Variants in BPGM observed in about 807,000 individuals in gnomAD.
BPGM encodes the protein 2,3-bisphosphoglycerate mutase, erythrocyte.
In BPGM, 15 loss-of-function variants were observed where a neutral mutation model predicts 21.6. That is an observed-to-expected ratio of 0.70 (90% CI 0.47 to 1.07). The LOEUF (loss-of-function observed/expected upper bound fraction) is 1.07. BPGM is among the 50% of genes least tolerant of loss of function. BPGM has a pLI of 0.00. For synonymous variants in BPGM, 113 were observed against 116.2 expected (o/e 0.97, Z 0.18); for missense variants, 273 against 319.0 (o/e 0.86, Z 1.10).
At chr7:134,658,519 G>A (rs2131425162) in intron 1 of BPGM, 1 of 152,348 alleles carries the variant, frequency 6.6e-6, no homozygotes, top group East Asian at 1.9e-4. Flanking sequence ...CCTGCCCATT[G>A]CAGGCATTTG....
At chr7:134,657,608 C>T (rs1454902436) in intron 1 of BPGM, among the ~76,000 whole-genome samples, 4 of 152,162 alleles carry the variant, frequency 2.6e-5, no homozygotes, top group African/African-American at 7.2e-5. Flanking sequence ...TCACCTGAAC[C>T]TAACCCTAGG....
At chr7:134,650,790 T>C (rs1359011819) in intron 1 of BPGM, among the ~76,000 whole-genome samples, 1 of 152,102 alleles carries the variant, frequency 6.6e-6, no homozygotes, top group African/African-American at 2.4e-5. Context: ...CCGGGCGTGG[T>C]GACGGTCACC....
At chr7:134,665,953 C>T (rs943732833) in intron 2 of BPGM, among the ~76,000 whole-genome samples, 1 of 152,112 alleles carries the variant, frequency 6.6e-6, no homozygotes, top group Non-Finnish European at 1.5e-5. Flanking sequence ...TCTTGGCCCA[C>T]TGCAACCTTC....
intron 2 of BPGM, among the ~76,000 whole-genome samples, chr7:134,674,046 G>A (rs1795948054): frequency 6.6e-6 from 1 of 151,634 alleles, no homozygotes; most frequent in Non-Finnish European, 1.5e-5. Context: ...CCAAGTAGCT[G>A]GGATTACAGG....
intron 1 of BPGM, among the ~76,000 whole-genome samples, chr7:134,651,820 C>T (rs1463200774): frequency 6.6e-6 from 1 of 152,166 alleles, no homozygotes; most frequent in Non-Finnish European, 1.5e-5. Flanking sequence ...TTATAAGTCA[C>T]CTGCAAAGTA....
chr7:134,669,376 T>C (rs1795869506), intron 2 of BPGM, among the ~76,000 whole-genome samples: 1 of 152,218 alleles, frequency 6.6e-6, no homozygotes, highest in African/African-American at 2.4e-5. Flanking sequence ...AAAGCTCCTC[T>C]AATAAAGGTT....
At chr7:134,651,131 G>A (rs986657854) in intron 1 of BPGM, among the ~76,000 whole-genome samples, 3 of 152,180 alleles carry the variant, frequency 2.0e-5, no homozygotes, top group African/African-American at 4.8e-5. Context: ...CAAGGAAAAC[G>A]TCATCTGAGT....
At chr7:134,667,558 AAATG>A (rs1795839196) in intron 2 of BPGM, among the ~76,000 whole-genome samples, 1 of 152,188 alleles carries the variant, frequency 6.6e-6, no homozygotes, top group African/African-American at 2.4e-5. Flanking sequence ...AAAAACGTAA[AAATG>A]AAGACGTTAG....
intron 1 of BPGM, among the ~76,000 whole-genome samples, chr7:134,654,324 A>G (rs1210334951): frequency 6.6e-6 from 1 of 152,212 alleles, no homozygotes; most frequent in Non-Finnish European, 1.5e-5. Context: ...TGATTAAAGC[A>G]GTGAGAAAAG....
Position 134,661,867 on chromosome 7 carries a change from T to C in BPGM, c.360T>C (p.Asn120=). ...EQVRLWRRSY[N]VTPPPIEESH... is the part of the protein sequence containing the mutation. ...TGAGGCTCTGGAGAAGAAGCTACAA[T>C]GTAACCCCGCCTCCCATTGAGGAGT... The change falls in exon 2 of 3, where the codon AAT becomes AAC. Residue 120 remains asparagine (N), a synonymous_variant. Coordinates refer to ENST00000344924, the MANE Select transcript of BPGM (RefSeq NM_001724.5). The surrounding 1 kb of genome is among the most constrained non-coding windows in gnomAD (Gnocchi z 4.6). 6.2e-7 allele frequency: 1 copy of C among 1,608,004 alleles called. No homozygotes were observed. Among genetic ancestry groups the C allele is most frequent in the African/African-American group, 1.3e-5 (1 of 74,778 alleles).
intron 2 of BPGM, among the ~76,000 whole-genome samples, chr7:134,671,393 G>A (rs1280183521): frequency 5.1e-5 from 7 of 138,072 alleles, no homozygotes; most frequent in South Asian, 4.5e-4. Flanking sequence ...ATGGAGTCTC[G>A]CTCTGTTGCC....
Position 134,679,145 on chromosome 7 carries a change from G to C in BPGM, c.*114G>C. 4.1e-6 allele frequency: 5 copies of C among 1,232,928 alleles called. No individual in the cohort carries two copies. The highest frequency in any genetic ancestry group is 5.7e-6 in the Non-Finnish European group (5 of 873,462). The allele number at this position is 1,232,928 out of a possible 1,614,324, so 76.4% of individuals were successfully genotyped here. A position where few individuals can be genotyped will look rare whatever the true frequency, so the allele number is the denominator to read the frequency against. On this transcript the variant is annotated 3_prime_UTR_variant, in exon 3 of 3. Coordinates refer to ENST00000344924, the MANE Select transcript of BPGM (RefSeq NM_001724.5). ...TTTTCCAGAGCTAGGCTGTGGAGTAGAGTTTGTATAGGTAACTAGGTAACT... is the reference window on the plus strand; with the variant it reads ...TTTTCCAGAGCTAGGCTGTGGAGTACAGTTTGTATAGGTAACTAGGTAACT...
At chr7:134,663,923 C>T (rs10231624) in intron 2 of BPGM, among the ~76,000 whole-genome samples, 89,023 of 151,984 alleles carry the variant, frequency 0.59, 27,151 homozygotes, top group East Asian at 0.89. Context: ...TGAGGGAAAT[C>T]GGAAAGTTTA....
At chr7:134,667,366 T>A (rs913434844) in intron 2 of BPGM, among the ~76,000 whole-genome samples, 1 of 152,182 alleles carries the variant, frequency 6.6e-6, no homozygotes, top group African/African-American at 2.4e-5. Flanking sequence ...CTCCTTTTAC[T>A]TTCAAAAGTG....
rs955391060 is a variant in BPGM, at chr7:134,646,889, G to C, written c.-110G>C. ...GGAGGCGCTGGCTCTTTGGCGGCTC[G>C]GAGGAGCGGCTGCTGCTGCTGCTGC... On this transcript the variant is annotated 5_prime_UTR_variant, in exon 1 of 3. Coordinates refer to ENST00000344924, the MANE Select transcript of BPGM (RefSeq NM_001724.5). 1 of 188,234 alleles carries C rather than the reference G, an allele frequency of 5.3e-6. No homozygotes were observed. The highest frequency in any genetic ancestry group is 2.4e-5 in the African/African-American group (1 of 42,086). 11.7% of individuals were successfully genotyped at this position (188,234 alleles called of 1,614,324 possible).
chr7:134,648,294 C>T (rs1678144322), intron 1 of BPGM, among the ~76,000 whole-genome samples: 1 of 151,440 alleles, frequency 6.6e-6, no homozygotes, highest in Non-Finnish European at 1.5e-5. Context: ...CGCCCCCACG[C>T]CCAGCTAATT....
intron 1 of BPGM, among the ~76,000 whole-genome samples, chr7:134,656,288 T>A (rs983457589): frequency 1.3e-5 from 2 of 152,208 alleles, no homozygotes; most frequent in Admixed American, 6.5e-5. Context: ...ATGGAGCACT[T>A]GAAATGTGGC....
chr7:134,655,580 A>G (rs1388437049), intron 1 of BPGM, among the ~76,000 whole-genome samples: 2 of 152,230 alleles, frequency 1.3e-5, no homozygotes, highest in Non-Finnish European at 2.9e-5. Context: ...ATCCATGAAC[A>G]TACTAAACTT....
At chr7:134,650,882 G>C (rs771057830) in intron 1 of BPGM, among the ~76,000 whole-genome samples, 5 of 152,190 alleles carry the variant, frequency 3.3e-5, no homozygotes, top group Non-Finnish European at 7.3e-5. Context: ...CCGAGATCAC[G>C]CCACTGCACT....
Sources: gnomAD v4.1 joint callset for allele counts (sites outside exome capture counted in the v4.1 genomes callset) on GRCh38, gnomAD v4.1.1 for gene constraint, Gnocchi (gnomAD v3.1) non-coding constraint, MANE v1.5 for transcripts, NCBI Gene and HGNC (gene_info 2026-07-23, HGNC 2026-07-21) for gene names.